Variants in CSMD3 observed in about 807,000 individuals in gnomAD.
The protein encoded by CSMD3 is CUB and sushi domain-containing protein 3.
Under a neutral mutation model 435.2 loss-of-function variants are expected in CSMD3, and 177 were observed. The observed-to-expected ratio is 0.41, with a 90% CI of 0.36 to 0.46. CSMD3 has a LOEUF of 0.46. Ranked by LOEUF, CSMD3 falls within the 20% of genes least tolerant of loss-of-function variation. The probability of loss-of-function intolerance (pLI) is 0.34; values close to 1 mark genes in which losing one functional copy is unlikely to be tolerated. For missense variants in CSMD3, 4,265 were observed against 4,504.6 expected (o/e 0.95, Z 1.52); for synonymous variants, 1,656 against 1,520.5 (o/e 1.09, Z -2.07).
intron 22 of CSMD3, among the ~76,000 whole-genome samples, chr8:112,634,918 C>T (rs1432535857): frequency 6.6e-6 from 1 of 151,846 alleles, no homozygotes; most frequent in Non-Finnish European, 1.5e-5. Context: ...ATAGTGCTAC[C>T]TCTTACAAAC....
At chr8:112,693,326 T>C (rs1188361492) in intron 13 of CSMD3, among the ~76,000 whole-genome samples, 1 of 152,126 alleles carries the variant, frequency 6.6e-6, no homozygotes, top group Admixed American at 6.5e-5. Context: ...ATTACTCTTA[T>C]ACCTTCTTCG....
chr8:112,528,127 A>AC (rs1361065586), intron 27 of CSMD3, among the ~76,000 whole-genome samples: 1 of 152,168 alleles, frequency 6.6e-6, no homozygotes, highest in African/African-American at 2.4e-5. Context: ...CAAGTTCATC[A>AC]CCACTTTTTA....
intron 69 of CSMD3, among the ~76,000 whole-genome samples, chr8:112,230,003 T>A (rs577558419): frequency 1.1e-4 from 17 of 152,280 alleles, no homozygotes; most frequent in African/African-American, 3.9e-4. Context: ...TATGTGGATG[T>A]AAGAGGCAAG....
At chr8:113,260,622 TTTTAC>T (rs1422554725) in intron 3 of CSMD3, among the ~76,000 whole-genome samples, 1 of 152,168 alleles carries the variant, frequency 6.6e-6, no homozygotes, top group Non-Finnish European at 1.5e-5. Context: ...CTTTTTTTTC[TTTTAC>T]TTTAAGTTCT....
chr8:112,916,225 G>A (rs781246742), intron 10 of CSMD3, among the ~76,000 whole-genome samples: 1 of 151,754 alleles, frequency 6.6e-6, no homozygotes, highest in Admixed American at 6.6e-5. Context: ...AAAATGTATA[G>A]AATGTATTTC....
At chr8:112,903,141 G>A (rs544515756) in intron 10 of CSMD3, among the ~76,000 whole-genome samples, 7 of 114,158 alleles carry the variant, frequency 6.1e-5, no homozygotes, top group Non-Finnish European at 1.2e-4. Context: ...CATCTGGGTG[G>A]CAGTCTTGGC....
intron 2 of CSMD3, among the ~76,000 whole-genome samples, chr8:113,298,048 C>CTG (rs1303990923): frequency 7.2e-5 from 11 of 151,986 alleles, no homozygotes; most frequent in Non-Finnish European, 1.3e-4. Flanking sequence ...ACAATATTAG[C>CTG]TGTGTGAACT....
chr8:112,521,958 T>C (rs184543782), intron 27 of CSMD3, among the ~76,000 whole-genome samples: 35 of 151,914 alleles, frequency 2.3e-4, no homozygotes, highest in African/African-American at 8.2e-4. Context: ...AAATAGAAGG[T>C]AAAAATCGTT....
intron 11 of CSMD3, among the ~76,000 whole-genome samples, chr8:112,843,181 T>C (rs2132540035): frequency 6.6e-6 from 1 of 152,000 alleles, no homozygotes; most frequent in South Asian, 2.1e-4. Context: ...TCACACTAGA[T>C]ACTATCATTT....
chr8:112,927,049 C>T (rs1024717916), intron 9 of CSMD3, among the ~76,000 whole-genome samples: 13 of 151,994 alleles, frequency 8.6e-5, no homozygotes, highest in Non-Finnish European at 1.9e-4. Context: ...AAACACTAAA[C>T]GTCAAGAAAA....
intron 36 of CSMD3, among the ~76,000 whole-genome samples, chr8:112,384,269 CA>C (rs1440021721): frequency 2.6e-5 from 4 of 151,980 alleles, no homozygotes; most frequent in Admixed American, 2.6e-4. Flanking sequence ...GTAATTAATT[CA>C]AATGAATTTT....
At chr8:112,607,674 A>G (rs1432856804) in intron 22 of CSMD3, among the ~76,000 whole-genome samples, 1 of 152,200 alleles carries the variant, frequency 6.6e-6, no homozygotes, top group African/African-American at 2.4e-5. Flanking sequence ...AGATACTAAT[A>G]AACATGATAT....
At chr8:112,559,578 A>G (rs1038386565) in intron 24 of CSMD3, among the ~76,000 whole-genome samples, 1 of 151,820 alleles carries the variant, frequency 6.6e-6, no homozygotes, top group Non-Finnish European at 1.5e-5. Context: ...CTTAATAAGA[A>G]TCTATCTGCA....
chr8:113,201,819 T>C (rs891159526), intron 3 of CSMD3, among the ~76,000 whole-genome samples: 1 of 152,100 alleles, frequency 6.6e-6, no homozygotes, highest in African/African-American at 2.4e-5. Flanking sequence ...ATGAATGCAT[T>C]TAATAGTTGT....
chr8:113,219,263 T>C (rs961596351), intron 3 of CSMD3, among the ~76,000 whole-genome samples: 4 of 151,234 alleles, frequency 2.6e-5, no homozygotes, highest in African/African-American at 9.7e-5. Context: ...TGAAGAAATA[T>C]GACAATAGAG....
At chr8:112,586,777 G>T (rs1453130070) in intron 23 of CSMD3, among the ~76,000 whole-genome samples, 1 of 150,908 alleles carries the variant, frequency 6.6e-6, no homozygotes, top group African/African-American at 2.4e-5. Context: ...CAAGATATTT[G>T]ACATTAAAGT....
At chr8:112,943,981 G>A (rs1273394927) in intron 9 of CSMD3, among the ~76,000 whole-genome samples, 3 of 151,616 alleles carry the variant, frequency 2.0e-5, no homozygotes, top group Middle Eastern at 6.3e-3. Flanking sequence ...TTTGTAGCTA[G>A]GAAGCTCAGT....
chr8:113,231,440 A>T (rs1588325804), intron 3 of CSMD3, among the ~76,000 whole-genome samples: 1 of 151,426 alleles, frequency 6.6e-6, no homozygotes, highest in East Asian at 1.9e-4. Context: ...AGGGCTCACT[A>T]ATACTGTTGC....
At chr8:112,440,975 T>C (rs1040853001) in intron 32 of CSMD3, among the ~76,000 whole-genome samples, 2 of 152,216 alleles carry the variant, frequency 1.3e-5, no homozygotes, top group South Asian at 2.1e-4. Flanking sequence ...GCCTTGGTGA[T>C]TAACCTTCAC....
Sources: allele counts gnomAD v4.1 joint callset (sites outside exome capture counted in the v4.1 genomes callset), GRCh38; gene constraint gnomAD v4.1.1; transcripts MANE v1.5; gene names NCBI Gene and HGNC (gene_info 2026-07-23, HGNC 2026-07-21).